Variants in SETX observed in about 807,000 individuals in gnomAD.
SETX encodes senataxin, also known as helicase senataxin.
In SETX, 90 loss-of-function variants were observed where a neutral mutation model predicts 227.2. The observed-to-expected ratio is 0.40, with a 90% CI of 0.33 to 0.47. The LOEUF is 0.47. SETX is among the 20% of genes least tolerant of loss of function. The pLI is 0.91. For missense variants in SETX, 3,052 were observed against 3,181.5 expected (o/e 0.96, Z 0.98); for synonymous variants, 1,210 against 1,113.2 (o/e 1.09, Z -1.73).
chr9:132,314,280 CAG>C (rs1445442294), intron 10 of SETX, among the ~76,000 whole-genome samples: 1 of 152,148 alleles, frequency 6.6e-6, no homozygotes, highest in Non-Finnish European at 1.5e-5. Context: ...TTAGTAGAGA[CAG>C]AGTTTCTCCA....
At chr9:132,286,633 A>G in intron 17 of SETX, 139 bp from the exon 18 acceptor site, 1 of 686,764 alleles carries the variant, frequency 1.5e-6, no homozygotes, top group Non-Finnish European at 2.6e-6. Context: ...CCTCTTTACC[A>G]CTGGAGTCCT....
At chr9:132,300,410 A>G (rs1334820487) in intron 12 of SETX, among the ~76,000 whole-genome samples, 3 of 152,208 alleles carry the variant, frequency 2.0e-5, no homozygotes, top group Non-Finnish European at 4.4e-5. Context: ...GGATAAAGAA[A>G]TGTAACAAAA....
intron 6 of SETX, 109 bp from the exon 7 acceptor site, chr9:132,334,836 T>C (rs1208712602): frequency 1.6e-6 from 2 of 1,213,004 alleles, no homozygotes; most frequent in Admixed American, 3.5e-5. Flanking sequence ...AGATAGTATT[T>C]AGTTTCTCAA....
intron 11 of SETX, among the ~76,000 whole-genome samples, chr9:132,303,339 CA>C (rs76538209): frequency 0.011 from 698 of 61,588 alleles, 2 homozygotes; most frequent in Admixed American, 0.017. Context: ...TTTAAAAAAG[CA>C]AAAAAAAAAA....
intron 5 of SETX, among the ~76,000 whole-genome samples, chr9:132,340,547 TACTC>T (rs2067293): frequency 0.74 from 112,258 of 151,748 alleles, 42,773 homozygotes; most frequent in Non-Finnish European, 0.83. Context: ...CAGAAAAACG[TACTC>T]ACTCACTGCC....
intron 18 of SETX, among the ~76,000 whole-genome samples, chr9:132,284,089 T>G (rs548502238): frequency 6.6e-6 from 1 of 152,340 alleles, no homozygotes; most frequent in East Asian, 1.9e-4. Context: ...ATACGATATA[T>G]TCAACCATGG....
chr9:132,320,593 C>CAAAAAAA (rs141457619), intron 10 of SETX, among the ~76,000 whole-genome samples: 5 of 61,066 alleles, frequency 8.2e-5, no homozygotes, highest in East Asian at 4.8e-4. Context: ...GACTCCAACT[C>CAAAAAAA]AAAAAAAAAA....
At chr9:132,313,930 G>GTT (rs11313530) in intron 10 of SETX, among the ~76,000 whole-genome samples, 1 of 148,794 alleles carries the variant, frequency 6.7e-6, no homozygotes, top group Admixed American at 6.7e-5. Context: ...AAGTTTTTTG[G>GTT]TTTTTTTTTT....
At chr9:132,305,796 A>T (rs7036609) in intron 11 of SETX, among the ~76,000 whole-genome samples, 1 of 151,928 alleles carries the variant, frequency 6.6e-6, no homozygotes, top group Non-Finnish European at 1.5e-5. Flanking sequence ...AACTGAATGG[A>T]ATTTGTGATT....
chr9:132,342,723 C>G lies in SETX; in HGVS notation c.465G>C (p.Gly155=), dbSNP rs763477688. 1.2e-5 allele frequency: 19 copies of G among 1,613,726 alleles called. No homozygotes were observed. In the East Asian group the frequency reaches 4.2e-4, roughly 36 times the overall value. Residue 155 remains glycine, a synonymous_variant, in exon 5 of 26, where the codon GGG becomes GGC. Coordinates refer to ENST00000224140, the MANE Select transcript of SETX (RefSeq NM_015046.7). ...CSFQVFDKHP[G]IYLFLVHPNE... ...TGGGATGGACTAAAAACAAATAGATCCCTGGATGTTTATCAAACACCTGAA... is the reference window on the plus strand; with the variant it reads ...TGGGATGGACTAAAAACAAATAGATGCCTGGATGTTTATCAAACACCTGAA...
At chr9:132,272,828 C>G (rs12350499) in intron 23 of SETX, among the ~76,000 whole-genome samples, 1 of 152,008 alleles carries the variant, frequency 6.6e-6, no homozygotes, top group Non-Finnish European at 1.5e-5. Context: ...TCATCCCTTT[C>G]TTCATTAATA....
At chr9:132,277,359 TAA>T (rs752563899) in intron 21 of SETX, among the ~76,000 whole-genome samples, 9 of 152,148 alleles carry the variant, frequency 5.9e-5, no homozygotes, top group Non-Finnish European at 8.8e-5. Flanking sequence ...TCTATATCAT[TAA>T]AATATAACAA....
Position 132,286,038 on chromosome 9 carries a change from C to T in SETX, c.6396+385G>A, listed in dbSNP as rs570053498. 4.9e-3 allele frequency among the ~76,000 whole-genome samples: 714 copies of T among 145,432 alleles called. 4 individuals are homozygous for T. The highest frequency in any genetic ancestry group is 0.017 in the African/African-American group (682 of 39,064). The stretch of plus-strand genomic sequence containing the variant: ...TCTCTACTAACAATGCAAAAATTAG[C>T]TGGGCGTGGTGGCACACGCCTGTAA... On this transcript the variant is annotated intron_variant, in intron 18 of 25. Transcript: ENST00000224140.
intron 10 of SETX, among the ~76,000 whole-genome samples, chr9:132,313,664 T>C (rs566975919): frequency 3.3e-5 from 5 of 152,314 alleles, no homozygotes; most frequent in Admixed American, 6.5e-5. Context: ...TTGCATGAGC[T>C]AGTAGTTTCA....
chr9:132,349,745 GACTTACC>G (rs1307053334), intron 2 of SETX, among the ~76,000 whole-genome samples: 1 of 152,112 alleles, frequency 6.6e-6, no homozygotes, highest in Non-Finnish European at 1.5e-5. Context: ...TAGAGACCCA[GACTTACC>G]AATATTTTCA....
chr9:132,278,072 ATTTGTT>A lies in SETX; in HGVS notation c.6834_6839del (p.Lys2278_Thr2279del), dbSNP rs758518952. 6 of 1,612,874 alleles carry A rather than the reference ATTTGTT, an allele frequency of 3.7e-6. No homozygotes were observed. Among genetic ancestry groups the A allele is most frequent in the Admixed American group, 1.7e-5 (1 of 60,022 alleles). On this transcript the variant is annotated inframe_deletion, in exon 21 of 26. Transcript: ENST00000224140. The stretch of plus-strand genomic sequence containing the variant: ...CACAAACAATAAGGGGAACTCACCT[ATTTGTT>A]TTTAAGTTTCTGTTATAAACATAAT...
chr9:132,298,440 A>C (rs1844802008), intron 12 of SETX, 128 bp from the exon 13 acceptor site: 2 of 825,626 alleles, frequency 2.4e-6, no homozygotes, highest in South Asian at 1.5e-5. Flanking sequence ...TACCCAGTAA[A>C]TATTTATGGA....
rs1847146852 is a variant in SETX, at chr9:132,330,422, T to C, written c.1176A>G (p.Val392=). 1 of 1,614,178 alleles carries C rather than the reference T, an allele frequency of 6.2e-7. No individual in the cohort carries two copies. The highest frequency in any genetic ancestry group is 2.2e-5 in the East Asian group (1 of 44,886). ...MYEEMETLAS[V]LQSDIGQDMR... is the part of the protein sequence containing the mutation. ...TGTCTTGACCAATATCTGACTGAAG[T>C]ACACTGGCTAATGTTTCCATTTCTT... The change falls in exon 10 of 26, where the codon GTA becomes GTG. Residue 392 remains valine, a synonymous_variant. Transcript: ENST00000224140.
chr9:132,285,878 C>CAAAAAAAAAAA (rs35343871), intron 18 of SETX, among the ~76,000 whole-genome samples: 1 of 106,308 alleles, frequency 9.4e-6, no homozygotes, highest in African/African-American at 3.7e-5. Flanking sequence ...GACTCTGTCT[C>CAAAAAAAAAAA]AAAAAAAAAA....
Sources: gnomAD v4.1 joint callset for allele counts (sites outside exome capture counted in the v4.1 genomes callset) on GRCh38, gnomAD v4.1.1 for gene constraint, MANE v1.5 for transcripts, NCBI Gene and HGNC (gene_info 2026-07-23, HGNC 2026-07-21) for gene names.